Variants in PTPRM observed in about 807,000 individuals in gnomAD.
The protein encoded by PTPRM is receptor-type tyrosine-protein phosphatase mu.
A neutral mutation model predicts 186.7 loss-of-function variants in PTPRM; 47 were observed. The observed-to-expected ratio is 0.25, with a 90% CI of 0.20 to 0.32. PTPRM has a LOEUF of 0.32. Ranked by LOEUF, PTPRM falls within the 10% of genes least tolerant of loss-of-function variation. PTPRM has a pLI of 1.00. For missense variants in PTPRM, 1,494 were observed against 1,865.0 expected, an observed-to-expected ratio of 0.80 and a Z score of 3.66; for synonymous variants, 668 against 674.9, an observed-to-expected ratio of 0.99 and a Z score of 0.16.
chr18:7,792,608 T>A (rs2043396429), intron 2 of PTPRM, among the ~76,000 whole-genome samples: 1 of 152,216 alleles, frequency 6.6e-6, no homozygotes, highest in African/African-American at 2.4e-5. Context: ...ATCACAAATT[T>A]TAAAATAATT....
intron 29 of PTPRM, among the ~76,000 whole-genome samples, chr18:8,383,973 A>G (rs902618309): frequency 6.6e-6 from 1 of 152,198 alleles, no homozygotes; most frequent in African/African-American, 2.4e-5. Flanking sequence ...ACTGCCATCC[A>G]CATGACCTCG....
intron 14 of PTPRM, among the ~76,000 whole-genome samples, chr18:8,229,412 C>T (rs1427252758): frequency 1.3e-5 from 2 of 152,192 alleles, no homozygotes; most frequent in Non-Finnish European, 2.9e-5. Context: ...CCATTGAACA[C>T]TCTACAGTTA....
At chr18:8,220,407 A>T (rs1349494467) in intron 14 of PTPRM, among the ~76,000 whole-genome samples, 2 of 152,170 alleles carry the variant, frequency 1.3e-5, no homozygotes, top group Non-Finnish European at 2.9e-5. Context: ...CTTACTTTTC[A>T]ACACACATAC....
intron 2 of PTPRM, among the ~76,000 whole-genome samples, chr18:7,782,875 T>TA (rs1224122390): frequency 6.6e-6 from 1 of 152,238 alleles, no homozygotes; most frequent in Non-Finnish European, 1.5e-5. Context: ...TTTCAGTAGT[T>TA]TATATTTAAC....
At chr18:7,786,816 A>G (rs961293300) in intron 2 of PTPRM, among the ~76,000 whole-genome samples, 4 of 152,250 alleles carry the variant, frequency 2.6e-5, no homozygotes, top group Non-Finnish European at 5.9e-5. Context: ...ACTGATGACA[A>G]GTGACCTTTC....
rs369070296 is a variant in PTPRM, at chr18:7,572,540, A to G, written c.73+4649A>G. The stretch of plus-strand genomic sequence containing the variant: ...TTAGATTAAATATTGTTTTCTTTCA[A>G]TTTTTGTTTTAGATTTCATTAAGTT... On this transcript the variant is annotated intron_variant, in intron 1 of 32. Coordinates refer to ENST00000580170, the MANE Select transcript of PTPRM (RefSeq NM_001105244.2). Among the ~76,000 whole-genome samples, 14 of 152,206 alleles carry G rather than the reference A, an allele frequency of 9.2e-5. No individual in the cohort carries two copies. In the East Asian group the frequency reaches 2.1e-3, roughly 23 times the overall value.
At chr18:8,143,305 G>A (rs926369967) in intron 13 of PTPRM, among the ~76,000 whole-genome samples, 1 of 152,118 alleles carries the variant, frequency 6.6e-6, no homozygotes, top group African/African-American at 2.4e-5. Flanking sequence ...TAGCTATTGT[G>A]CTGTTAGTAA....
At chr18:7,584,286 A>G (rs1220482506) in intron 1 of PTPRM, among the ~76,000 whole-genome samples, 1 of 152,192 alleles carries the variant, frequency 6.6e-6, no homozygotes, top group Non-Finnish European at 1.5e-5. Flanking sequence ...TTGTCAACAG[A>G]TGCAAGTTTG....
chr18:8,392,535 G>A (rs2095820775), intron 31 of PTPRM, among the ~76,000 whole-genome samples: 1 of 152,034 alleles, frequency 6.6e-6, no homozygotes, highest in African/African-American at 2.4e-5. Context: ...GCTGAGGCAG[G>A]AGAATGGCGT....
In PTPRM at chr18:7,589,924, G is replaced by A. The variant is rs1286987885; in HGVS notation, c.73+22033G>A. 2.6e-5 allele frequency among the ~76,000 whole-genome samples: 4 copies of A among 152,216 alleles called. No individual in the cohort carries two copies. The East Asian group carries it at 5.8e-4, about 22-fold the overall frequency. On this transcript the variant is annotated intron_variant, in intron 1 of 32. Coordinates refer to ENST00000580170, the MANE Select transcript of PTPRM (RefSeq NM_001105244.2). ...AAGAAGCAGATAGAGCTGTAGAGAT[G>A]CTTAACACGTGCTGCATGTCATCAA... is the stretch of plus-strand genomic sequence containing the variant.
chr18:8,308,463 G>A (rs1013027848), intron 20 of PTPRM, among the ~76,000 whole-genome samples: 3 of 152,066 alleles, frequency 2.0e-5, no homozygotes, highest in African/African-American at 7.2e-5. Flanking sequence ...GCCACACTAA[G>A]TAACAGAAAA....
intron 1 of PTPRM, among the ~76,000 whole-genome samples, chr18:7,584,315 G>A (rs2036921114): frequency 6.6e-6 from 1 of 152,138 alleles, no homozygotes; most frequent in Admixed American, 6.5e-5. Flanking sequence ...TACTGATTTT[G>A]GAAAGATTCC....
chr18:8,298,310 A>G (rs965001623), intron 20 of PTPRM, among the ~76,000 whole-genome samples: 1 of 152,208 alleles, frequency 6.6e-6, no homozygotes, highest in Non-Finnish European at 1.5e-5. Context: ...ACTCACAGAG[A>G]GTCTTGGAAG....
rs1219491718 is a variant in PTPRM, at chr18:7,722,558, G to GAT, written c.74-51587_74-51586dup. Among the ~76,000 whole-genome samples the GAT allele has an allele frequency of 2.6e-5, 4 of 152,166 alleles. 1 individual carries two copies. The highest frequency in any genetic ancestry group is 2.6e-4 in the Admixed American group (4 of 15,282). On this transcript the variant is annotated intron_variant, in intron 1 of 32. Coordinates refer to ENST00000580170, the MANE Select transcript of PTPRM (RefSeq NM_001105244.2). ...TGTGGGTAAATTCACTTATAAATTGGATATAAAGAAAGCCTTTCTATAACT... is the reference window on the plus strand; with the variant it reads ...TGTGGGTAAATTCACTTATAAATTGGATATATAAAGAAAGCCTTTCTATAACT...
chr18:8,117,673 G>A (rs1600665204), intron 13 of PTPRM, among the ~76,000 whole-genome samples: 2 of 151,816 alleles, frequency 1.3e-5, no homozygotes, highest in Admixed American at 6.6e-5. Flanking sequence ...CATCCTCTTC[G>A]TTTATGCACC....
chr18:8,291,035 C>G (rs771412821), intron 19 of PTPRM, among the ~76,000 whole-genome samples: 6 of 152,152 alleles, frequency 3.9e-5, no homozygotes, highest in Non-Finnish European at 8.8e-5. Flanking sequence ...CAGGGGCCAT[C>G]ATTGCCTGCC....
intron 3 of PTPRM, among the ~76,000 whole-genome samples, chr18:7,905,085 C>T (rs1254575131): frequency 6.6e-6 from 1 of 152,134 alleles, no homozygotes; most frequent in Admixed American, 6.6e-5. Flanking sequence ...CCTCCGCCTC[C>T]CAGATTCAAG....
chr18:7,705,293 A>ATCTGTCTG (rs1568040941), intron 1 of PTPRM, among the ~76,000 whole-genome samples: 42 of 140,872 alleles, frequency 3.0e-4, no homozygotes, highest in African/African-American at 1.1e-3. Context: ...CTATCTATCT[A>ATCTGTCTG]TCTATCTATC....
intron 17 of PTPRM, among the ~76,000 whole-genome samples, chr18:8,251,300 A>G (rs1000614940): frequency 6.6e-6 from 1 of 152,226 alleles, no homozygotes; most frequent in African/African-American, 2.4e-5. Flanking sequence ...CCCATAAGAT[A>G]CAAAACTGAG....
Sources: gnomAD v4.1 joint callset for allele counts (sites outside exome capture counted in the v4.1 genomes callset) on GRCh38, gnomAD v4.1.1 for gene constraint, MANE v1.5 for transcripts, NCBI Gene and HGNC (gene_info 2026-07-23, HGNC 2026-07-21) for gene names.